Variants in ADGRV1 observed in about 807,000 individuals in gnomAD.
ADGRV1 encodes adhesion G protein-coupled receptor V1.
ADGRV1 carries 359 observed loss-of-function variants against 596.2 expected under a neutral mutation model. The ratio of observed to expected loss-of-function variants is 0.60; its 90% CI spans 0.55 to 0.66. The LOEUF is 0.66. ADGRV1 is among the 30% of genes least tolerant of loss of function. ADGRV1 has a pLI of 0.00. For missense variants in ADGRV1, 7,274 were observed against 7,575.6 expected (o/e 0.96, Z 1.48); for synonymous variants, 2,681 against 2,679.2 (o/e 1.00, Z -0.02).
chr5:90,834,541 C>G (rs796798785), intron 77 of ADGRV1, among the ~76,000 whole-genome samples: 1 of 151,944 alleles, frequency 6.6e-6, no homozygotes, highest in African/African-American at 2.4e-5. Context: ...ATTTGTTCCA[C>G]TTTACTTGCT....
chr5:90,638,061 T>A, intron 11 of ADGRV1, 113 bp downstream of exon 11: 1 of 725,896 alleles, frequency 1.4e-6, no homozygotes, highest in Non-Finnish European at 2.2e-6. Context: ...AAAAGTCAAG[T>A]AAATAGTGTT....
chr5:90,982,404 A>T (rs1182854673), intron 84 of ADGRV1, among the ~76,000 whole-genome samples: 7 of 152,260 alleles, frequency 4.6e-5, no homozygotes, highest in African/African-American at 1.7e-4. Flanking sequence ...GTTTTTAAAA[A>T]AAATGGCAGT....
chr5:90,800,296 AT>A lies in ADGRV1; in HGVS notation c.14518-2440del, dbSNP rs1289471714. Among the ~76,000 whole-genome samples, 5 of 152,370 alleles carry A rather than the reference AT, an allele frequency of 3.3e-5. 1 individual carries two copies. The highest frequency in any genetic ancestry group is 4.8e-5 in the African/African-American group (2 of 41,586). On this transcript the variant is annotated intron_variant, in intron 70 of 89. Coordinates refer to ENST00000405460, the MANE Select transcript of ADGRV1 (RefSeq NM_032119.4). ...GAACAGACACTTCTCAGAAGAACAC[AT>A]TTATGCAGCCAACAAACATGAAAAA...
chr5:91,059,040 A>G (rs1581927528), intron 85 of ADGRV1, among the ~76,000 whole-genome samples: 1 of 152,142 alleles, frequency 6.6e-6, no homozygotes, highest in Non-Finnish European at 1.5e-5. Flanking sequence ...ACTATTTGGT[A>G]TCTTCTCTTT....
intron 70 of ADGRV1, among the ~76,000 whole-genome samples, chr5:90,802,471 T>C (rs1249594201): frequency 6.6e-6 from 1 of 152,146 alleles, no homozygotes; most frequent in Non-Finnish European, 1.5e-5. Flanking sequence ...CCTCAAGTGA[T>C]CCACCCGCCT....
intron 87 of ADGRV1, among the ~76,000 whole-genome samples, chr5:91,132,050 A>C (rs546108813): frequency 6.6e-6 from 1 of 152,088 alleles, no homozygotes; most frequent in Non-Finnish European, 1.5e-5. Context: ...TATTGAATAG[A>C]TATGCTTCCC....
intron 29 of ADGRV1, among the ~76,000 whole-genome samples, chr5:90,686,342 C>A (rs552926619): frequency 6.6e-6 from 1 of 152,186 alleles, no homozygotes; most frequent in Non-Finnish European, 1.5e-5. Flanking sequence ...TTAGGTATAT[C>A]TCCTAAAGCT....
At position 90,674,232 on chromosome 5, in the gene ADGRV1, A is replaced by G. The variant is rs377202826; in HGVS notation, c.5108A>G (p.Tyr1703Cys). The G allele has an allele frequency of 1.1e-5, 17 of 1,582,908 alleles. No homozygotes were observed. The African/African-American group carries it at 1.4e-4, about 13-fold the overall frequency. Residue 1703 changes from tyrosine (Y) to cysteine (C), a missense_variant and splice_region_variant, in exon 23 of 90, where the codon TAT becomes TGT. By Grantham distance (194) the Tyr-to-Cys change is radical (BLOSUM62 -2). Transcript: ENST00000405460. ...DITIKASDHP[Y>C]GLLQFSTGLP... The stretch of plus-strand genomic sequence containing the variant: ...ACCATCAAAGCTAGTGATCATCCAT[A>G]TGGTAACCTGCTCCTTTTGCAAGAA...
At chr5:90,694,791 G>T in intron 33 of ADGRV1, 90 bp downstream of exon 33, 1 of 1,172,810 alleles carries the variant, frequency 8.5e-7, no homozygotes, top group South Asian at 1.7e-5. Flanking sequence ...TTCTTACTGT[G>T]TACATTCTTG....
intron 4 of ADGRV1, among the ~76,000 whole-genome samples, chr5:90,621,832 T>C (rs995977290): frequency 2.0e-5 from 3 of 152,156 alleles, no homozygotes; most frequent in Admixed American, 6.5e-5. Context: ...ATGACATTGA[T>C]GATGATGATA....
intron 83 of ADGRV1, among the ~76,000 whole-genome samples, chr5:90,908,449 ATATACACATTCTTTCTATTTC>A (rs1772526952): frequency 6.6e-6 from 1 of 152,180 alleles, no homozygotes; most frequent in African/African-American, 2.4e-5. Context: ...AAATACTAGT[ATATACACATTCTTTCTATTTC>A]TATACCCATA....
At chr5:91,163,183 A>G (rs567011784) in intron 89 of ADGRV1, among the ~76,000 whole-genome samples, 25 of 152,372 alleles carry the variant, frequency 1.6e-4, no homozygotes, top group African/African-American at 5.8e-4. Context: ...AGTAGTTAAC[A>G]GTAACTACTG....
At position 90,909,689 on chromosome 5, in the gene ADGRV1, G is replaced by A. The variant is rs1471687535; in HGVS notation, c.17856+45832G>A. On this transcript the variant is annotated intron_variant, in intron 83 of 89. Transcript: ENST00000405460. ...AGGCTGTGGAAAGATTTGCAAGAAA[G>A]GTTGAAGTTTATATTTCGTTCTCTA... Among the ~76,000 whole-genome samples, 7 of 152,264 alleles carry A rather than the reference G, an allele frequency of 4.6e-5. No individual in the cohort carries two copies. The East Asian group carries it at 1.3e-3, about 29-fold the overall frequency.
At chr5:90,896,930 T>C (rs557539233) in intron 83 of ADGRV1, among the ~76,000 whole-genome samples, 3 of 152,250 alleles carry the variant, frequency 2.0e-5, no homozygotes, top group African/African-American at 7.2e-5. Flanking sequence ...CAGGTTCTTG[T>C]TGGGGGGCTG....
intron 85 of ADGRV1, among the ~76,000 whole-genome samples, chr5:91,041,246 A>G (rs2151274672): frequency 6.6e-6 from 1 of 152,356 alleles, no homozygotes; most frequent in South Asian, 2.1e-4. Flanking sequence ...CCAAATGTCC[A>G]TCAGTGATAG....
intron 5 of ADGRV1, among the ~76,000 whole-genome samples, chr5:90,624,066 C>T (rs190993918): frequency 1.3e-5 from 2 of 152,252 alleles, no homozygotes; most frequent in African/African-American, 4.8e-5. Flanking sequence ...AAAATGGAAG[C>T]ATATTTATTT....
At chr5:90,692,541 G>T in intron 31 of ADGRV1, 64 bp from the exon 32 acceptor site, 1 of 1,302,222 alleles carries the variant, frequency 7.7e-7, no homozygotes, top group South Asian at 1.5e-5. Flanking sequence ...TTTTTCCCTT[G>T]AATCATTTTT....
intron 57 of ADGRV1, among the ~76,000 whole-genome samples, chr5:90,759,078 TA>T (rs1756156635): frequency 6.6e-6 from 1 of 152,206 alleles, no homozygotes; most frequent in African/African-American, 2.4e-5. Context: ...TTATTGTTTT[TA>T]ATCTGTAAAT....
At chr5:90,918,042 G>T (rs1415564019) in intron 83 of ADGRV1, among the ~76,000 whole-genome samples, 1 of 151,962 alleles carries the variant, frequency 6.6e-6, no homozygotes. Context: ...CTAATTCAAG[G>T]TTACACAACT....
Sources: gnomAD v4.1 joint callset for allele counts (sites outside exome capture counted in the v4.1 genomes callset) on GRCh38, gnomAD v4.1.1 for gene constraint, MANE v1.5 for transcripts, NCBI Gene and HGNC (gene_info 2026-07-23, HGNC 2026-07-21) for gene names.